The following SIRT2 variants were observed in gnomAD, a reference collection of about 807,000 sequenced individuals.
SIRT2 encodes sirtuin 2.
A neutral mutation model predicts 57.4 loss-of-function variants in SIRT2; 40 were observed. The ratio of observed to expected loss-of-function variants is 0.70; its 90% CI spans 0.54 to 0.91. The LOEUF is 0.91. SIRT2 is among the 40% of genes least tolerant of loss of function. SIRT2 has a pLI of 0.00. For missense variants in SIRT2, 439 were observed against 510.4 expected (o/e 0.86, Z 1.35); for synonymous variants, 161 against 195.7 (o/e 0.82, Z 1.48).
Position 38,889,102 on chromosome 19 carries a change from C to A in SIRT2, c.486G>T (p.Leu162=). 1 of 1,612,768 alleles carries A rather than the reference C, an allele frequency of 6.2e-7. No individual in the cohort carries two copies. The highest frequency in any genetic ancestry group is 8.5e-7 in the Non-Finnish European group (1 of 1,180,026). The change falls in exon 8 of 16, where the codon CTG becomes CTT. Residue 162 remains leucine, a synonymous_variant. Coordinates refer to ENST00000249396, the MANE Select transcript of SIRT2 (RefSeq NM_012237.4). ...ATCCGCCTACCTGCGTGTAGCAGCG[C>A]AGGAGTAGCCCCTTGTCCTTCAGCA... is the stretch of plus-strand genomic sequence containing the variant. The part of the protein sequence containing the change: ...MRLLKDKGLL[L]RCYTQNIDTL...
In SIRT2 at chr19:38,883,730, G is replaced by A. The variant is rs1019894138; in HGVS notation, c.528C>T (p.Ala176=). The change falls in exon 9 of 16, where the codon GCC becomes GCT. Residue 176 remains alanine, a synonymous_variant. Transcript: ENST00000249396. The part of the protein sequence containing the change: ...TQNIDTLERI[A]GLEQEDLVEA... ...CCACCAAGTCCTCCTGTTCCAGCCC[G>A]GCTATTCGCTCCAGGGTATCTATGT... is the stretch of plus-strand genomic sequence containing the variant. The A allele has an allele frequency of 1.1e-5, 18 of 1,613,932 alleles. No individual in the cohort carries two copies. Among genetic ancestry groups the A allele is most frequent in the South Asian group, 3.3e-5 (3 of 91,088 alleles).
intron 8 of SIRT2, among the ~76,000 whole-genome samples, chr19:38,885,313 C>T (rs767063398): frequency 3.3e-5 from 5 of 151,946 alleles, no homozygotes; most frequent in Admixed American, 1.3e-4. Context: ...CCTATTTGCC[C>T]GGGCTGGTCT....
At position 38,880,593 on chromosome 19, in the gene SIRT2, G is replaced by A; in HGVS notation, c.876+92C>T. 1 of 857,282 alleles carries A rather than the reference G, an allele frequency of 1.2e-6. No individual in the cohort carries two copies. The highest frequency in any genetic ancestry group is 2.3e-5 in the Admixed American group (1 of 43,136). The allele number at this position is 857,282 out of a possible 1,614,324, so 53.1% of individuals were successfully genotyped here. ...GGTTCTGAGCTGAGGAATGCAAAGT[G>A]CTGGGGTTCCACAGTGGGGGTTCCC... On this transcript the variant is annotated intron_variant, in intron 13 of 15. Coordinates refer to ENST00000249396, the MANE Select transcript of SIRT2 (RefSeq NM_012237.4). The surrounding 1 kb of genome is among the most constrained non-coding windows in gnomAD (Gnocchi z 4.1).
chr19:38,882,172 G>T (rs557119187), intron 9 of SIRT2, among the ~76,000 whole-genome samples: 1 of 151,350 alleles, frequency 6.6e-6, no homozygotes, highest in Non-Finnish European at 1.5e-5. Flanking sequence ...ATCCACCATC[G>T]CACCTGGCTA....
At chr19:38,888,670 A>G (rs945026819) in intron 8 of SIRT2, among the ~76,000 whole-genome samples, 6 of 152,204 alleles carry the variant, frequency 3.9e-5, no homozygotes, top group African/African-American at 1.2e-4. Context: ...TACTTGTTGG[A>G]CACGTGTCAT....
In SIRT2 at chr19:38,899,617, C is replaced by A; in HGVS notation, c.-96G>T. The A allele has an allele frequency of 2.6e-6, 4 of 1,531,110 alleles. No homozygotes were observed. The highest frequency in any genetic ancestry group is 3.6e-6 in the Non-Finnish European group (4 of 1,106,854). The allele number at this position is 1,531,110 out of a possible 1,614,324, so 94.8% of individuals were successfully genotyped here. A position where few individuals can be genotyped will look rare whatever the true frequency, so the allele number is the denominator to read the frequency against. The stretch of plus-strand genomic sequence containing the variant: ...ACCGACTGCTCTGTCCTGTCACCGA[C>A]TGCTCTGTCCCGTGACGGCACCAGA... On this transcript the variant is annotated 5_prime_UTR_variant, in exon 1 of 16. Coordinates refer to ENST00000249396, the MANE Select transcript of SIRT2 (RefSeq NM_012237.4).
In SIRT2 at chr19:38,881,487, C is replaced by G. The variant is rs570453680; in HGVS notation, c.636G>C (p.Lys212Asn). 2 of 1,613,672 alleles carry G rather than the reference C, an allele frequency of 1.2e-6. No homozygotes were observed. The highest frequency in any genetic ancestry group is 2.7e-5 in the African/African-American group (2 of 74,866). Residue 212 changes from lysine (K) to asparagine (N), a missense_variant, in exon 10 of 16, where the codon AAG becomes AAC. Transcript: ENST00000249396. ...HEYPLSWMKE[K>N]IFSEVTPKCE... ...ACTTGGGCGTCACCTCAGAGAAGAT[C>G]TTCTCTGGGTATGGGGAAGGGGAAG... is the stretch of plus-strand genomic sequence containing the variant.
chr19:38,879,195 T>C lies in SIRT2; in HGVS notation c.1130A>G (p.Lys377Arg). 6.3e-7 allele frequency: 1 copy of C among 1,587,808 alleles called. No individual in the cohort carries two copies. Among genetic ancestry groups the C allele is most frequent in the Non-Finnish European group, 8.5e-7 (1 of 1,173,126 alleles). The change falls in exon 16 of 16, where the codon AAG becomes AGG. Residue 377 changes from lysine to arginine, a missense_variant. Lys to Arg is a conservative substitution (Grantham distance 26, BLOSUM62 2). Transcript: ENST00000249396. Reference sequence around the variant, plus strand: ...CCTCTCTGTTGTCCTGGCCTCGTCCTTGGCAGGTGGCGGGGACTTCTTGGG... The same window carrying C: ...CCTCTCTGTTGTCCTGGCCTCGTCCCTGGCAGGTGGCGGGGACTTCTTGGG... Reference protein sequence around the residue: ...ASPKKSPPPAKDEARTTEREK... With the variant: ...ASPKKSPPPARDEARTTEREK...
At chr19:38,879,804 CTTTG>C (rs770862033) in intron 13 of SIRT2, 102 bp from the exon 14 acceptor site, 68 of 800,596 alleles carry the variant, frequency 8.5e-5, no homozygotes, top group Non-Finnish European at 1.1e-4. Context: ...AGCTCTGTGA[CTTTG>C]TTTTTTTTTT....
At chr19:38,886,455 T>TG (rs901984280) in intron 8 of SIRT2, among the ~76,000 whole-genome samples, 9 of 151,448 alleles carry the variant, frequency 5.9e-5, no homozygotes, top group African/African-American at 2.2e-4. Context: ...CAACATGGTT[T>TG]TTTTTTTTTT....
rs747910001 is a variant in SIRT2, at chr19:38,883,776, G to A, written c.502-20C>T. The A allele has an allele frequency of 6.2e-7, 1 of 1,613,454 alleles. No individual in the cohort carries two copies. The highest frequency in any genetic ancestry group is 8.5e-7 in the Non-Finnish European group (1 of 1,179,534). ...TATGTTCTAGAGGGAGAGATGGAGG[G>A]AAGAGGGGTGAGGAGTGAGCCACCC... On this transcript the variant is annotated intron_variant, in intron 8 of 15. Transcript: ENST00000249396.
intron 2 of SIRT2, among the ~76,000 whole-genome samples, chr19:38,897,731 G>C (rs1456944710): frequency 6.6e-6 from 1 of 152,128 alleles, no homozygotes; most frequent in African/African-American, 2.4e-5. Context: ...TCCCTATGTT[G>C]CCAAGACTGG....
chr19:38,883,537 T>C, intron 9 of SIRT2, 90 bp downstream of exon 9: 1 of 1,481,818 alleles, frequency 6.7e-7, no homozygotes, highest in Non-Finnish European at 9.2e-7. Context: ...CCCCAAAGAA[T>C]TGAGCAGGAC....
At chr19:38,887,293 ATTTACT>A (rs980327124) in intron 8 of SIRT2, among the ~76,000 whole-genome samples, 3 of 152,080 alleles carry the variant, frequency 2.0e-5, no homozygotes, top group African/African-American at 7.2e-5. Flanking sequence ...CTCAGTGAAC[ATTTACT>A]TTGACAGAAG....
intron 11 of SIRT2, 53 bp downstream of exon 11, chr19:38,881,047 A>G (rs1973134665): frequency 6.3e-7 from 1 of 1,588,366 alleles, no homozygotes; most frequent in Admixed American, 1.7e-5. Flanking sequence ...CATGGGGCCC[A>G]GCACAGGTGG....
rs773330777 is a variant in SIRT2, at chr19:38,881,091, G to A, written c.747+9C>T. The A allele has an allele frequency of 6.2e-7, 1 of 1,612,542 alleles. No individual in the cohort carries two copies. ...GTTGGGGATGCGGGGAGGCTGGGGG[G>A]CCACTTACTGACTGCATACAGGAGA... On this transcript the variant is annotated intron_variant, in intron 11 of 15. Coordinates refer to ENST00000249396, the MANE Select transcript of SIRT2 (RefSeq NM_012237.4).
intron 4 of SIRT2, chr19:38,891,778 C>T (rs1043850319): frequency 4.3e-5 from 19 of 444,142 alleles, no homozygotes; most frequent in Non-Finnish European, 7.1e-5. Flanking sequence ...CCTGGGCACC[C>T]TCATGAGCCA....
chr19:38,879,378 G>A (rs1036709849), intron 15 of SIRT2, 56 bp downstream of exon 15: 1 of 1,599,946 alleles, frequency 6.3e-7, no homozygotes, highest in Admixed American at 1.7e-5. Flanking sequence ...CCCATGGGGT[G>A]GGGAGAGGGT....
In SIRT2 at chr19:38,880,522, T is replaced by C. The variant is rs1435541974; in HGVS notation, c.876+163A>G. On this transcript the variant is annotated intron_variant, in intron 13 of 15. Transcript: ENST00000249396. This position sits in a 1 kb window ranked among gnomAD's most constrained non-coding sequence, Gnocchi z 4.1. ...ATCACTTGCTCAAAAGGGCAGTGAA[T>C]GTCCCAGAGGCCTGGAACCCGACCC... 3.5e-6 allele frequency: 2 copies of C among 577,446 alleles called. No individual in the cohort carries two copies. The highest frequency in any genetic ancestry group is 5.4e-5 in the East Asian group (2 of 36,730). 35.8% of individuals were successfully genotyped at this position (577,446 alleles called of 1,614,324 possible).
Sources: gnomAD v4.1 joint callset for allele counts (sites outside exome capture counted in the v4.1 genomes callset) on GRCh38, gnomAD v4.1.1 for gene constraint, Gnocchi (gnomAD v3.1) non-coding constraint, MANE v1.5 for transcripts, NCBI Gene and HGNC (gene_info 2026-07-23, HGNC 2026-07-21) for gene names.